Variants in MPPE1 observed in about 807,000 individuals in gnomAD.
The protein encoded by MPPE1 is metallophosphoesterase 1.
A neutral mutation model predicts 43.8 loss-of-function variants in MPPE1; 28 were observed. That is an observed-to-expected ratio of 0.64 (90% CI 0.47 to 0.88). The LOEUF is 0.88. MPPE1 is among the 40% of genes least tolerant of loss of function. MPPE1 has a pLI of 0.00. For missense variants in MPPE1, 428 were observed against 492.2 expected, an observed-to-expected ratio of 0.87 and a Z score of 1.23; for synonymous variants, 159 against 188.5, an observed-to-expected ratio of 0.84 and a Z score of 1.28.
chr18:11,908,214 TCCAGCTCTGCGCACAACG>T lies in MPPE1; in HGVS notation c.-231_-214del, dbSNP rs2039905630. On this transcript the variant is annotated 5_prime_UTR_variant, in exon 1 of 11. Coordinates refer to ENST00000588072, the MANE Select transcript of MPPE1 (RefSeq NM_023075.6). ...AAGAATACATACAACAGCCATGCTT[TCCAGCTCTGCGCACAACG>T]CCAGGCAGATGGGGAGCACCGGGCG... 1 of 152,272 alleles carries T rather than the reference TCCAGCTCTGCGCACAACG, an allele frequency of 6.6e-6. No individual in the cohort carries two copies. Among genetic ancestry groups the T allele is most frequent in the African/African-American group, 2.4e-5 (1 of 41,472 alleles). 9.4% of individuals were successfully genotyped at this position (152,272 alleles called of 1,614,324 possible). A position where few individuals can be genotyped will look rare whatever the true frequency, so the allele number is the denominator to read the frequency against.
In MPPE1 at chr18:11,894,341, T is replaced by C. The variant is rs1393126055; in HGVS notation, c.282-765A>G. 3.3e-5 allele frequency among the ~76,000 whole-genome samples: 5 copies of C among 150,224 alleles called. No individual in the cohort carries two copies. The East Asian group carries it at 9.9e-4, about 30-fold the overall frequency. ...TACTTGGGAGGCTGAGGCAGGAGAATTGCTTGAACCCAGGAGGCGGAGGTT... is the reference window on the plus strand; with the variant it reads ...TACTTGGGAGGCTGAGGCAGGAGAACTGCTTGAACCCAGGAGGCGGAGGTT... On this transcript the variant is annotated intron_variant, in intron 3 of 10. Transcript: ENST00000588072.
At chr18:11,902,725 G>C (rs1204229987) in intron 2 of MPPE1, 1 of 152,218 alleles carries the variant, frequency 6.6e-6, no homozygotes, top group Non-Finnish European at 1.5e-5. Flanking sequence ...AGTGAGCCTT[G>C]TTTGAGCAGT....
Position 11,885,730 on chromosome 18 carries a change from C to T in MPPE1, c.954G>A (p.Glu318=). 1 of 1,614,078 alleles carries T rather than the reference C, an allele frequency of 6.2e-7. No homozygotes were observed. The highest frequency in any genetic ancestry group is 8.5e-7 in the Non-Finnish European group (1 of 1,179,928). ...TCCAACTGAAAGATGGGACGCTGAG[C>T]TCGGGGACTCGGCCCCCGTGGTGCA... ...CEVHHGGRVP[E]LSVPSFSWRN... Residue 318 remains glutamate, a synonymous_variant, in exon 10 of 11, where the codon GAG becomes GAA. Coordinates refer to ENST00000588072, the MANE Select transcript of MPPE1 (RefSeq NM_023075.6).
intron 1 of MPPE1, among the ~76,000 whole-genome samples, chr18:11,907,396 T>G (rs1308773367): frequency 6.6e-6 from 1 of 152,158 alleles, no homozygotes; most frequent in Non-Finnish European, 1.5e-5. Flanking sequence ...ATGGCTCCCC[T>G]AAAATGCATA....
intron 9 of MPPE1, 80 bp from the exon 10 acceptor site, chr18:11,885,896 T>C (rs2037163455): frequency 7.4e-7 from 1 of 1,357,140 alleles, no homozygotes; most frequent in Non-Finnish European, 9.8e-7. Context: ...AGACGGCCGC[T>C]GGCCATCGCT....
intron 1 of MPPE1, among the ~76,000 whole-genome samples, chr18:11,906,603 TC>T (rs1386120792): frequency 6.6e-6 from 1 of 152,168 alleles, no homozygotes; most frequent in Non-Finnish European, 1.5e-5. Flanking sequence ...ATGCCTGTAA[TC>T]CCAGCACTTT....
At chr18:11,889,236 C>G (rs1478221575) in intron 5 of MPPE1, 151 bp downstream of exon 5, 1 of 537,988 alleles carries the variant, frequency 1.9e-6, no homozygotes, top group Non-Finnish European at 3.3e-6. Flanking sequence ...AAGTAAAAAC[C>G]CCTTAAAGAG....
rs2037620396 is a variant in MPPE1 at position 11,888,690 on chromosome 18, A to C, written c.548T>G (p.Leu183Arg). The change falls in exon 6 of 11, where the codon CTG (leucine) becomes CGG (arginine). Residue 183 changes from leucine (L) to arginine (R), a missense_variant. Leu to Arg is a moderately radical substitution (Grantham distance 102, BLOSUM62 -2). Around this residue, in one of 3 missense-constraint regions of MPPE1, gnomAD observed 379 missense variants for 402.5 expected, o/e 0.94. Coordinates refer to ENST00000588072, the MANE Select transcript of MPPE1 (RefSeq NM_023075.6). ...TCACTTAATGCCTTTCCAAGAAAAC[A>C]GTCTTTCAGAGCTGAACACTTTCTC... is the stretch of plus-strand genomic sequence containing the variant. Reference protein sequence around the residue: ...RFEKVFSSERLFSWKGINFVM... With the variant: ...RFEKVFSSERRFSWKGINFVM... The C allele has an allele frequency of 6.2e-7, 1 of 1,601,234 alleles. No homozygotes were observed. The highest frequency in any genetic ancestry group is 8.5e-7 in the Non-Finnish European group (1 of 1,174,662).
At chr18:11,893,657 G>A (rs1291825924) in intron 3 of MPPE1, 81 bp from the exon 4 acceptor site, 1 of 1,124,728 alleles carries the variant, frequency 8.9e-7, no homozygotes, top group Non-Finnish European at 1.3e-6. Flanking sequence ...CATTTAAACA[G>A]CAAACTAAAT....
chr18:11,883,262 A>AGAT lies in MPPE1; in HGVS notation c.*1180_*1182dup, dbSNP rs1238311684. 6.6e-6 allele frequency: 1 copy of AGAT among 152,222 alleles called. No homozygotes were observed. The highest frequency in any genetic ancestry group is 1.5e-5 in the Non-Finnish European group (1 of 68,030). 9.4% of individuals were successfully genotyped at this position (152,222 alleles called of 1,614,324 possible). On this transcript the variant is annotated 3_prime_UTR_variant, in exon 11 of 11. Coordinates refer to ENST00000588072, the MANE Select transcript of MPPE1 (RefSeq NM_023075.6). ...TCTCATAAAGCCCTCAGCTGAACTA[A>AGAT]GATAAATAATACAATGGAAATTATT... is the stretch of plus-strand genomic sequence containing the variant.
At chr18:11,899,973 A>G (rs889533771) in intron 2 of MPPE1, among the ~76,000 whole-genome samples, 3 of 152,058 alleles carry the variant, frequency 2.0e-5, no homozygotes, top group Non-Finnish European at 2.9e-5. Context: ...GCAGTTTGGG[A>G]GGCCGAGGCG....
rs377580644 is a variant in MPPE1 at position 11,899,059 on chromosome 18, C to T, written c.-92-1703G>A. On this transcript the variant is annotated intron_variant, in intron 2 of 10. Transcript: ENST00000588072. ...AGTAGCTGGGATTACAGGTGTGTGC[C>T]ACCACGCCCAGCTAATTTTGTTTTT... Among the ~76,000 whole-genome samples the T allele has an allele frequency of 5.3e-5, 8 of 150,278 alleles. No homozygotes were observed. In the East Asian group the frequency reaches 1.5e-3, roughly 29 times the overall value.
rs140518557 is a variant in MPPE1, at chr18:11,899,808, T to C, written c.-92-2452A>G. ...TTCTAACATGAATCTAGGAACTTCA[T>C]GTCACACGTAGGCATGGAGTCAAGA... On this transcript the variant is annotated intron_variant, in intron 2 of 10. Coordinates refer to ENST00000588072, the MANE Select transcript of MPPE1 (RefSeq NM_023075.6). Among the ~76,000 whole-genome samples the C allele has an allele frequency of 8.8e-4, 134 of 152,312 alleles. No homozygotes were observed. In the South Asian group the frequency reaches 9.3e-3, roughly 11 times the overall value.
At chr18:11,890,105 A>G (rs1003311420) in intron 4 of MPPE1, among the ~76,000 whole-genome samples, 40 of 147,166 alleles carry the variant, frequency 2.7e-4, no homozygotes, top group South Asian at 6.5e-4. Context: ...ACCACGCCCG[A>G]CTAATTTTTT....
At chr18:11,893,668 G>C (rs1676186002) in intron 3 of MPPE1, 92 bp from the exon 4 acceptor site, 3 of 991,294 alleles carry the variant, frequency 3.0e-6, no homozygotes, top group Non-Finnish European at 4.6e-6. Context: ...CAAACTAAAT[G>C]GTTCCACTCT....
intron 6 of MPPE1, 131 bp from the exon 7 acceptor site, chr18:11,887,156 A>G: frequency 1.6e-6 from 1 of 608,842 alleles, no homozygotes; most frequent in Non-Finnish European, 2.8e-6. Flanking sequence ...AATCCCACCC[A>G]GAATAATTTG....
At chr18:11,906,055 T>C (rs1343135229) in intron 2 of MPPE1, 148 bp downstream of exon 2, 2 of 152,196 alleles carry the variant, frequency 1.3e-5, no homozygotes, top group Admixed American at 6.5e-5. Context: ...TTATCAGTCT[T>C]ATTAAGATCA....
At chr18:11,884,736 G>C (rs1209547715) in intron 10 of MPPE1, 109 bp from the exon 11 acceptor site, 1 of 1,347,248 alleles carries the variant, frequency 7.4e-7, no homozygotes. Flanking sequence ...CCTCAGGTGA[G>C]GCAGGGAACG....
At chr18:11,895,477 C>G (rs1047816883) in intron 3 of MPPE1, among the ~76,000 whole-genome samples, 4 of 152,108 alleles carry the variant, frequency 2.6e-5, no homozygotes, top group African/African-American at 9.7e-5. Context: ...ACACATCACC[C>G]CTGAAAGGCT....
Sources: allele counts gnomAD v4.1 joint callset (sites outside exome capture counted in the v4.1 genomes callset), GRCh38; gene constraint gnomAD v4.1.1; regional missense constraint gnomAD v4.1.1; transcripts MANE v1.5; gene names NCBI Gene and HGNC (gene_info 2026-07-23, HGNC 2026-07-21).